The following CCNJL variants were observed in gnomAD, a reference collection of about 807,000 sequenced individuals.
CCNJL encodes the protein cyclin-J-like protein.
CCNJL carries 33 observed loss-of-function variants against 33.4 expected under a neutral mutation model. The observed-to-expected ratio is 0.99, with a 90% confidence interval of 0.75 to 1.32. The LOEUF is 1.32. Among genes scored for constraint, CCNJL ranks in the 40% most tolerant of loss-of-function variants. The pLI, the probability that CCNJL is intolerant of heterozygous loss-of-function variation, is 0.00. For missense variants in CCNJL, 512 were observed against 499.7 expected, an observed-to-expected ratio of 1.02 and a Z score of -0.23; for synonymous variants, 227 against 220.9, an observed-to-expected ratio of 1.03 and a Z score of -0.24.
chr5:160,268,705 G>T (rs1214271621), intron 3 of CCNJL, among the ~76,000 whole-genome samples: 2 of 152,192 alleles, frequency 1.3e-5, no homozygotes, highest in African/African-American at 2.4e-5. Context: ...TTAAGGACCT[G>T]CTGTAGCTGC....
chr5:160,320,057 G>C (rs1255699666), intron 1 of CCNJL, among the ~76,000 whole-genome samples: 1 of 152,200 alleles, frequency 6.6e-6, no homozygotes, highest in Non-Finnish European at 1.5e-5. Flanking sequence ...TTTCAAATGA[G>C]ATCTAGAAAG....
chr5:160,291,996 T>C (rs528766424), intron 2 of CCNJL, among the ~76,000 whole-genome samples: 40 of 152,304 alleles, frequency 2.6e-4, no homozygotes, highest in African/African-American at 8.7e-4. Flanking sequence ...TGCTGATCAC[T>C]ATTGGGATCA....
At chr5:160,332,891 T>C (rs182834317) in intron 1 of CCNJL, among the ~76,000 whole-genome samples, 10 of 152,304 alleles carry the variant, frequency 6.6e-5, no homozygotes, top group Non-Finnish European at 1.2e-4. Context: ...AAGTCCATGA[T>C]GGCAGAAATA....
intron 3 of CCNJL, among the ~76,000 whole-genome samples, chr5:160,280,128 T>C (rs1302730864): frequency 6.6e-6 from 1 of 152,106 alleles, no homozygotes; most frequent in Non-Finnish European, 1.5e-5. Flanking sequence ...ATATCCCCCA[T>C]ACCAGGAAGC....
At chr5:160,337,525 G>A (rs1214800234) in intron 1 of CCNJL, among the ~76,000 whole-genome samples, 4 of 152,104 alleles carry the variant, frequency 2.6e-5, no homozygotes, top group Admixed American at 2.6e-4. Flanking sequence ...TGATCTGGGT[G>A]CTTGTAACCT....
At chr5:160,257,961 C>A (rs1196617216) in intron 4 of CCNJL, among the ~76,000 whole-genome samples, 1 of 151,936 alleles carries the variant, frequency 6.6e-6, no homozygotes, top group Non-Finnish European at 1.5e-5. Context: ...ATTCTCCTGC[C>A]TCAGCCTCCC....
upstream of CCNJL, chr5:160,315,318 AACACACACAC>A (rs57432164): frequency 7.8e-3 from 807 of 104,008 alleles, 13 homozygotes; most frequent in African/African-American, 0.026. Context: ...CCCGCCCCCC[AACACACACAC>A]ACACACACAC....
chr5:160,287,788 C>T (rs763606441), intron 2 of CCNJL, among the ~76,000 whole-genome samples: 4 of 152,194 alleles, frequency 2.6e-5, no homozygotes, highest in Non-Finnish European at 5.9e-5. Context: ...AGGCGCTGGG[C>T]GGGCAGGAAC....
At chr5:160,292,835 A>G (rs995863644) in intron 2 of CCNJL, among the ~76,000 whole-genome samples, 2 of 152,202 alleles carry the variant, frequency 1.3e-5, no homozygotes, top group African/African-American at 4.8e-5. Context: ...ATTATAAACT[A>G]TGCACCTAGC....
intron 1 of CCNJL, among the ~76,000 whole-genome samples, chr5:160,331,277 G>A (rs1160363681): frequency 6.8e-6 from 1 of 146,420 alleles, no homozygotes; most frequent in Non-Finnish European, 1.5e-5. Flanking sequence ...AGGCTGGAGT[G>A]CGGTGGCGTG....
At chr5:160,298,658 G>A (rs766589169) in intron 2 of CCNJL, among the ~76,000 whole-genome samples, 8 of 152,232 alleles carry the variant, frequency 5.3e-5, no homozygotes, top group Non-Finnish European at 8.8e-5. Context: ...GGCCCAGCCC[G>A]TCCTTGTCTG....
intron 3 of CCNJL, among the ~76,000 whole-genome samples, chr5:160,274,428 CA>C (rs2113321274): frequency 6.6e-6 from 1 of 152,082 alleles, no homozygotes; most frequent in Non-Finnish European, 1.5e-5. Context: ...CACTGCACTC[CA>C]GCCTAGGTGA....
chr5:160,261,477 C>A (rs1392424786), intron 3 of CCNJL: 1 of 152,318 alleles, frequency 6.6e-6, no homozygotes, highest in African/African-American at 2.4e-5. Context: ...CCGAAGTACA[C>A]ACTTTCTTGT....
intron 2 of CCNJL, among the ~76,000 whole-genome samples, chr5:160,295,313 C>T (rs535985623): frequency 1.3e-5 from 2 of 152,240 alleles, no homozygotes; most frequent in Non-Finnish European, 2.9e-5. Flanking sequence ...ACAGGTGAAA[C>T]CCTGTCTCTA....
intron 1 of CCNJL, among the ~76,000 whole-genome samples, chr5:160,339,105 T>A (rs1489428005): frequency 6.6e-6 from 1 of 151,882 alleles, no homozygotes; most frequent in Non-Finnish European, 1.5e-5. Flanking sequence ...CTCTTAAACC[T>A]CAAAAAGACC....
chr5:160,337,463 C>T lies in CCNJL; in HGVS notation n.206+1982G>A, dbSNP rs1407670429. 4.6e-5 allele frequency among the ~76,000 whole-genome samples: 7 copies of T among 152,230 alleles called. No homozygotes were observed. In the East Asian group the frequency reaches 1.2e-3, roughly 25 times the overall value. On this transcript the variant is annotated intron_variant and non_coding_transcript_variant, in intron 1 of 7. Coordinates refer to the CCNJL transcript ENST00000377503. ...TGCTCAAAGCCCTCCAATTATTTCACGTCTCACTCAGCATAAAAGCCAAGT... is the reference window on the plus strand; with the variant it reads ...TGCTCAAAGCCCTCCAATTATTTCATGTCTCACTCAGCATAAAAGCCAAGT...
intron 1 of CCNJL, among the ~76,000 whole-genome samples, chr5:160,335,424 C>T (rs1312725566): frequency 6.6e-6 from 1 of 152,054 alleles, no homozygotes; most frequent in African/African-American, 2.4e-5. Context: ...TGCTAGAGTA[C>T]AGCTTCCTAT....
chr5:160,271,917 T>TAG (rs1761848048), intron 3 of CCNJL, among the ~76,000 whole-genome samples: 2 of 152,262 alleles, frequency 1.3e-5, no homozygotes, highest in Admixed American at 1.3e-4. Flanking sequence ...TATTAAATTA[T>TAG]CTCCTGCAAG....
intron 1 of CCNJL, among the ~76,000 whole-genome samples, chr5:160,320,641 C>G (rs186474403): frequency 1.3e-5 from 2 of 152,162 alleles, no homozygotes; most frequent in Admixed American, 1.3e-4. Flanking sequence ...CCTTCTGCAT[C>G]CCCTCAAATT....
Sources: gnomAD v4.1 joint callset for allele counts (sites outside exome capture counted in the v4.1 genomes callset) on GRCh38, gnomAD v4.1.1 for gene constraint, MANE v1.5 for transcripts, NCBI Gene and HGNC (gene_info 2026-07-23, HGNC 2026-07-21) for gene names.